Variants in MLIP observed in about 807,000 individuals in gnomAD.
MLIP encodes the protein muscular LMNA-interacting protein.
MLIP carries 79 observed loss-of-function variants against 84.8 expected under a neutral mutation model. The observed-to-expected ratio is 0.93, with a 90% CI of 0.78 to 1.12. The LOEUF is 1.12. Among genes scored for constraint, MLIP ranks in the 50% most tolerant of loss-of-function variants. The pLI, the probability that MLIP is intolerant of heterozygous loss-of-function variation, is 0.00. For missense variants in MLIP, 1,257 were observed against 1,160.6 expected, an observed-to-expected ratio of 1.08 and a Z score of -1.21; for synonymous variants, 504 against 463.0, an observed-to-expected ratio of 1.09 and a Z score of -1.14.
chr6:54,113,997 C>A (rs1207372044), intron 1 of MLIP, among the ~76,000 whole-genome samples: 1 of 152,142 alleles, frequency 6.6e-6, no homozygotes, highest in African/African-American at 2.4e-5. Context: ...CCTCACTGTT[C>A]CTGGATTTAT....
intron 1 of MLIP, chr6:54,046,562 T>A (rs1328348734): frequency 6.6e-6 from 1 of 152,244 alleles, no homozygotes; most frequent in Non-Finnish European, 1.5e-5. Context: ...TGGTTTTGTA[T>A]TGCACAACTG....
chr6:54,020,069 T>C (rs1763410430), intron 1 of MLIP, among the ~76,000 whole-genome samples: 1 of 152,190 alleles, frequency 6.6e-6, no homozygotes. Context: ...CCACAGAGTA[T>C]TTTCCTTTCT....
At chr6:54,032,305 G>A (rs1331117616) in intron 1 of MLIP, 2 of 152,096 alleles carry the variant, frequency 1.3e-5, no homozygotes, top group Non-Finnish European at 2.9e-5. Flanking sequence ...AGATACTTAT[G>A]AAATCAATAA....
chr6:54,029,873 G>T lies in MLIP; in HGVS notation c.63+10782G>T, dbSNP rs186826028. On this transcript the variant is annotated intron_variant, in intron 1 of 12. Coordinates refer to the MLIP transcript ENST00000274897. The stretch of plus-strand genomic sequence containing the variant: ...ATGCGGTGGTAAGAATCAAATCTGG[G>T]CTCCTATGTGCTTAACCTAAATGAG... Among the ~76,000 whole-genome samples the T allele has an allele frequency of 3.5e-4, 53 of 152,148 alleles. 1 individual carries two copies. The highest frequency in any genetic ancestry group is 7.4e-5 in the Non-Finnish European group (5 of 68,002).
chr6:54,262,419 A>G (rs767302436), intron 13 of MLIP, among the ~76,000 whole-genome samples: 1 of 152,044 alleles, frequency 6.6e-6, no homozygotes, highest in Non-Finnish European at 1.5e-5. Context: ...GTTGGTCCTC[A>G]AGTAAGAAAA....
At chr6:54,246,750 T>G (rs1256763154) in intron 12 of MLIP, among the ~76,000 whole-genome samples, 1 of 152,158 alleles carries the variant, frequency 6.6e-6, no homozygotes, top group Non-Finnish European at 1.5e-5. Flanking sequence ...TGATGGTCCT[T>G]AACTTAAGGT....
intron 11 of MLIP, among the ~76,000 whole-genome samples, chr6:54,225,611 G>A (rs1014920750): frequency 4.6e-5 from 7 of 152,112 alleles, no homozygotes; most frequent in Non-Finnish European, 1.0e-4. Context: ...CTCAAACTCA[G>A]TTATAAATAT....
chr6:54,099,519 T>C (rs750862540), intron 1 of MLIP: 1 of 152,100 alleles, frequency 6.6e-6, no homozygotes, highest in Non-Finnish European at 1.5e-5. Flanking sequence ...AAAAAAAATA[T>C]ATAGCTGTGC....
At chr6:54,187,048 C>T (rs1413908064) in intron 9 of MLIP, among the ~76,000 whole-genome samples, 2 of 152,036 alleles carry the variant, frequency 1.3e-5, no homozygotes, top group African/African-American at 4.8e-5. Context: ...TAATCCCTAC[C>T]CTACATTCTT....
intron 1 of MLIP, among the ~76,000 whole-genome samples, chr6:54,044,224 T>C (rs1281840538): frequency 6.6e-6 from 1 of 152,228 alleles, no homozygotes; most frequent in Non-Finnish European, 1.5e-5. Context: ...CTTTGGTTTC[T>C]GGTTCAAGAA....
Position 54,083,073 on chromosome 6 carries a change from C to G in MLIP, c.64-38374C>G, listed in dbSNP as rs1027702868. Among the ~76,000 whole-genome samples the G allele has an allele frequency of 4.6e-5, 7 of 152,158 alleles. No individual in the cohort carries two copies. The South Asian group carries it at 1.2e-3, about 27-fold the overall frequency. ...TTCCTGGCATATCCACCAAAACTGT[C>G]TGAATTAATTTGAGAGTACCAGTTA... On this transcript the variant is annotated intron_variant, in intron 1 of 12. Transcript: ENST00000274897.
intron 8 of MLIP, among the ~76,000 whole-genome samples, chr6:54,162,653 G>A (rs1318113521): frequency 6.6e-6 from 1 of 151,972 alleles, no homozygotes; most frequent in Non-Finnish European, 1.5e-5. Context: ...GGGTAGTGAA[G>A]GAGAGAGAAT....
At chr6:54,241,236 T>G (rs1582601400) in intron 12 of MLIP, among the ~76,000 whole-genome samples, 1 of 152,018 alleles carries the variant, frequency 6.6e-6, no homozygotes, top group South Asian at 2.1e-4. Context: ...ATAATTATTT[T>G]TTCCTCATAT....
intron 8 of MLIP, among the ~76,000 whole-genome samples, chr6:54,168,039 C>T (rs2150585188): frequency 6.6e-6 from 1 of 151,994 alleles, no homozygotes; most frequent in African/African-American, 2.4e-5. Context: ...TGATTTTGCC[C>T]AGTAACTATT....
At chr6:54,037,242 G>T (rs1249635634) in intron 1 of MLIP, among the ~76,000 whole-genome samples, 2 of 151,976 alleles carry the variant, frequency 1.3e-5, no homozygotes, top group African/African-American at 4.8e-5. Flanking sequence ...GAAGACAGGG[G>T]TACATCGTAC....
intron 1 of MLIP, among the ~76,000 whole-genome samples, chr6:54,120,321 G>T (rs557172067): frequency 6.6e-6 from 1 of 151,826 alleles, no homozygotes; most frequent in South Asian, 2.1e-4. Flanking sequence ...TGCAAGCTCC[G>T]CCTCCTGGGT....
chr6:54,244,582 A>G (rs970885765), intron 12 of MLIP, among the ~76,000 whole-genome samples: 9 of 152,182 alleles, frequency 5.9e-5, no homozygotes, highest in African/African-American at 2.2e-4. Context: ...ATTATCAATC[A>G]TTTTTAGCTA....
intron 3 of MLIP, among the ~76,000 whole-genome samples, chr6:54,135,465 A>G (rs1771718861): frequency 6.6e-6 from 1 of 152,090 alleles, no homozygotes; most frequent in Admixed American, 6.6e-5. Context: ...ATTTTTAGAG[A>G]TTAAAACTAT....
chr6:54,049,009 C>G (rs1765229800), intron 1 of MLIP, among the ~76,000 whole-genome samples: 1 of 152,266 alleles, frequency 6.6e-6, no homozygotes, highest in African/African-American at 2.4e-5. Context: ...CATCTGGCTA[C>G]TTTTAGACTT....
Sources: gnomAD v4.1 joint callset for allele counts (sites outside exome capture counted in the v4.1 genomes callset) on GRCh38, gnomAD v4.1.1 for gene constraint, MANE v1.5 for transcripts, NCBI Gene and HGNC (gene_info 2026-07-23, HGNC 2026-07-21) for gene names.